NT5C2: variants seen among roughly 807,000 people sequenced by gnomAD.
NT5C2 encodes the protein cytosolic purine 5'-nucleotidase.
In NT5C2, 58 loss-of-function variants were observed where a neutral mutation model predicts 76.1. That is an observed-to-expected ratio of 0.76 (90% CI 0.62 to 0.95). The LOEUF is 0.95. Among genes scored for constraint, NT5C2 ranks in the 40% least tolerant of loss-of-function variants. The probability of loss-of-function intolerance (pLI) is 0.00; values close to 1 mark genes in which losing one functional copy is unlikely to be tolerated. For missense variants in NT5C2, 478 were observed against 690.3 expected (o/e 0.69, Z 3.45); for synonymous variants, 229 against 237.4 (o/e 0.96, Z 0.32).
chr10:103,121,645 T>C (rs10883834), intron 4 of NT5C2, among the ~76,000 whole-genome samples: 47,935 of 151,932 alleles, frequency 0.32, 7,649 homozygotes, highest in Middle Eastern at 0.36. Flanking sequence ...TTTACTGACA[T>C]CACAGGCTAG....
intron 4 of NT5C2, chr10:103,125,117 T>C (rs1591129840): frequency 2.1e-6 from 1 of 466,036 alleles, no homozygotes; most frequent in Non-Finnish European, 4.0e-6. Flanking sequence ...GAAACCAAAC[T>C]GGCAGGATGG....
intron 6 of NT5C2, among the ~76,000 whole-genome samples, chr10:103,103,677 C>T (rs999964827): frequency 6.6e-6 from 1 of 152,064 alleles, no homozygotes; most frequent in Non-Finnish European, 1.5e-5. Context: ...GCACAGATTA[C>T]TACTAACTTT....
chr10:103,175,866 C>T (rs918051910), intron 2 of NT5C2: 3 of 159,616 alleles, frequency 1.9e-5, no homozygotes, highest in African/African-American at 2.4e-5. Context: ...GGAAGGAGGA[C>T]GGGGGCAGTT....
chr10:103,089,560 T>C lies in NT5C2; in HGVS notation c.*112A>G. On this transcript the variant is annotated 3_prime_UTR_variant, in exon 19 of 19. Coordinates refer to ENST00000404739, the MANE Select transcript of NT5C2 (RefSeq NM_001351169.2). The stretch of plus-strand genomic sequence containing the variant: ...TCTTCAGAAACTTTTCAGACGTACC[T>C]TTCATGGAGCCCCCTCCCTCCCCCG... The C allele has an allele frequency of 7.0e-7, 1 of 1,423,630 alleles. No individual in the cohort carries two copies. The allele number at this position is 1,423,630 out of a possible 1,614,324, so 88.2% of individuals were successfully genotyped here.
At chr10:103,109,231 C>A (rs1419231786) in intron 4 of NT5C2, among the ~76,000 whole-genome samples, 1 of 152,070 alleles carries the variant, frequency 6.6e-6, no homozygotes, top group Non-Finnish European at 1.5e-5. Flanking sequence ...CTAAAAAAAA[C>A]TTGTTGAAGA....
intron 4 of NT5C2, among the ~76,000 whole-genome samples, chr10:103,112,462 T>C (rs904308164): frequency 6.6e-6 from 1 of 152,220 alleles, no homozygotes; most frequent in East Asian, 1.9e-4. Flanking sequence ...AGCCAATTTA[T>C]ACTCTATAAA....
intron 5 of NT5C2, 62 bp from the exon 6 acceptor site, chr10:103,105,863 T>C (rs1304898103): frequency 9.5e-6 from 11 of 1,157,536 alleles, no homozygotes; most frequent in Non-Finnish European, 1.4e-5. Flanking sequence ...TTTTATGTAG[T>C]AGTATTTAAT....
intron 4 of NT5C2, among the ~76,000 whole-genome samples, chr10:103,130,315 G>A (rs1315583673): frequency 6.6e-6 from 1 of 151,774 alleles, no homozygotes; most frequent in Non-Finnish European, 1.5e-5. Flanking sequence ...TGGATTAAGG[G>A]CGGTGCAAGA....
intron 4 of NT5C2, chr10:103,125,354 G>C (rs1052602991): frequency 6.3e-5 from 22 of 349,052 alleles, no homozygotes; most frequent in Non-Finnish European, 1.1e-4. Flanking sequence ...CCTGGCGTTT[G>C]CCTGTCTTTT....
Position 103,174,912 on chromosome 10 carries a change from G to C in NT5C2, c.47C>G (p.Pro16Arg). The change falls in exon 3 of 19, where the codon CCT becomes CGT. Residue 16 changes from proline to arginine, a missense_variant. Transcript: ENST00000404739. ...SDRLQNAADM[P>R]ANMDKHALKK... ...CAGGGCATGCTTATCCATGTTAGCA[G>C]GCATATCTGCTGCATTCTGTAACCG... The C allele has an allele frequency of 6.2e-7, 1 of 1,613,586 alleles. No individual in the cohort carries two copies. Among genetic ancestry groups the C allele is most frequent in the Non-Finnish European group, 8.5e-7 (1 of 1,179,634 alleles).
intron 3 of NT5C2, among the ~76,000 whole-genome samples, chr10:103,170,241 T>A (rs1182717340): frequency 6.6e-6 from 1 of 152,138 alleles, no homozygotes; most frequent in Non-Finnish European, 1.5e-5. Context: ...GCCCAGAAGT[T>A]TGAGGTTACC....
chr10:103,140,793 G>C (rs1414205423), intron 3 of NT5C2, among the ~76,000 whole-genome samples: 1 of 152,198 alleles, frequency 6.6e-6, no homozygotes, highest in Non-Finnish European at 1.5e-5. Flanking sequence ...ATGATGTTAA[G>C]CTCCTTTTCA....
At chr10:103,165,092 TA>T (rs1175627951) in intron 3 of NT5C2, among the ~76,000 whole-genome samples, 1 of 152,224 alleles carries the variant, frequency 6.6e-6, no homozygotes, top group Non-Finnish European at 1.5e-5. Flanking sequence ...TGAAAATTTT[TA>T]TTTTGTTTTT....
chr10:103,122,478 G>A (rs1177409069), intron 4 of NT5C2, among the ~76,000 whole-genome samples: 1 of 152,134 alleles, frequency 6.6e-6, no homozygotes, highest in African/African-American at 2.4e-5. Flanking sequence ...CTGAAAGCTG[G>A]GAGCAGCATG....
chr10:103,139,895 C>G (rs1037664716), intron 3 of NT5C2, among the ~76,000 whole-genome samples: 26 of 151,974 alleles, frequency 1.7e-4, no homozygotes, highest in Admixed American at 4.6e-4. Context: ...CTTTGATCTA[C>G]ATCTTTCCAT....
At chr10:103,167,256 G>A (rs372012152) in intron 3 of NT5C2, among the ~76,000 whole-genome samples, 25 of 152,066 alleles carry the variant, frequency 1.6e-4, no homozygotes, top group Non-Finnish European at 3.1e-4. Flanking sequence ...GACCTCAGGC[G>A]AGCCACCCAC....
At chr10:103,189,861 G>A (rs2092476384) in intron 1 of NT5C2, among the ~76,000 whole-genome samples, 1 of 151,416 alleles carries the variant, frequency 6.6e-6, no homozygotes, top group Middle Eastern at 3.2e-3. Flanking sequence ...GTAGAGACGG[G>A]GTTTCACCAT....
At position 103,089,024 on chromosome 10, in the gene NT5C2, AAAC is replaced by A; in HGVS notation, c.*645_*647del. On this transcript the variant is annotated 3_prime_UTR_variant, in exon 19 of 19. Coordinates refer to ENST00000404739, the MANE Select transcript of NT5C2 (RefSeq NM_001351169.2). ...CAAATAAGCATTTGTGCTATTAAAC[AAAC>A]AAAAGGTAATAAGGATACTGTCTTT... The A allele has an allele frequency of 4.7e-6, 1 of 214,174 alleles. No individual in the cohort carries two copies. Among genetic ancestry groups the A allele is most frequent in the Non-Finnish European group, 9.4e-6 (1 of 106,034 alleles). 13.3% of individuals were successfully genotyped at this position (214,174 alleles called of 1,614,324 possible).
At chr10:103,189,042 A>G (rs112944274) in intron 1 of NT5C2, among the ~76,000 whole-genome samples, 2 of 72,180 alleles carry the variant, frequency 2.8e-5, no homozygotes, top group Non-Finnish European at 6.4e-5. Flanking sequence ...GCCTGCTTGT[A>G]CTATGTGCTT....
Sources: allele counts gnomAD v4.1 joint callset (sites outside exome capture counted in the v4.1 genomes callset), GRCh38; gene constraint gnomAD v4.1.1; transcripts MANE v1.5; gene names NCBI Gene and HGNC (gene_info 2026-07-23, HGNC 2026-07-21).